AVIL: variants seen among roughly 807,000 people sequenced by gnomAD.
AVIL encodes advillin.
Under a neutral mutation model 109.9 loss-of-function variants are expected in AVIL, and 78 were observed. The observed-to-expected ratio is 0.71, with a 90% confidence interval of 0.59 to 0.86. The LOEUF is 0.86. Ranked by LOEUF, AVIL falls within the 40% of genes least tolerant of loss-of-function variation. The probability of loss-of-function intolerance (pLI) is 0.00; values close to 1 mark genes in which losing one functional copy is unlikely to be tolerated. For missense variants in AVIL, 892 were observed against 1,016.5 expected, an observed-to-expected ratio of 0.88 and a Z score of 1.67; for synonymous variants, 367 against 379.1, an observed-to-expected ratio of 0.97 and a Z score of 0.37.
Position 57,814,231 on chromosome 12 carries a change from A to C in AVIL, c.67-5T>G, listed in dbSNP as rs1450173056. On this transcript the variant is annotated splice_region_variant and splice_polypyrimidine_tract_variant and intron_variant, in intron 2 of 19. Coordinates refer to ENST00000549994, the MANE Select transcript of AVIL (RefSeq NM_006576.4). ...CACCAGCGCCAGCTCCATTTTCTGG[A>C]AGGACAAGGGGTGGGTATAGGCTAC... 1 of 1,611,208 alleles carries C rather than the reference A, an allele frequency of 6.2e-7. No homozygotes were observed. Among genetic ancestry groups the C allele is most frequent in the Non-Finnish European group, 8.5e-7 (1 of 1,179,152 alleles).
At chr12:57,799,648 G>A (rs996220373) in intron 19 of AVIL, 147 bp downstream of exon 19, 3 of 1,065,692 alleles carry the variant, frequency 2.8e-6, no homozygotes, top group Non-Finnish European at 4.0e-6. Flanking sequence ...AAGAACCCTG[G>A]TTTTTTTTGG....
In AVIL at chr12:57,814,342, C is replaced by T. The variant is rs1166838699; in HGVS notation, c.67-116G>A. ...GGTGGGGAGAAGGAGGGGAGATGTT[C>T]TCAATGACCTTACAGGATGTGAGGC... is the stretch of plus-strand genomic sequence containing the variant. On this transcript the variant is annotated intron_variant, in intron 2 of 19. Transcript: ENST00000549994. 7 of 1,024,570 alleles carry T rather than the reference C, an allele frequency of 6.8e-6. No individual in the cohort carries two copies. The African/African-American group carries it at 1.1e-4, about 16-fold the overall frequency. The allele number at this position is 1,024,570 out of a possible 1,614,324, so 63.5% of individuals were successfully genotyped here. A position where few individuals can be genotyped will look rare whatever the true frequency, so the allele number is the denominator to read the frequency against.
In AVIL at chr12:57,818,182, C is replaced by CTTTTTT. The variant is rs66731427; in HGVS notation, c.-20+441_-20+446dup. Among the ~76,000 whole-genome samples the CTTTTTT allele has an allele frequency of 1.7e-3, 61 of 35,264 alleles. 15 individuals are homozygous for CTTTTTT. The highest frequency in any genetic ancestry group is 8.3e-3 in the South Asian group (5 of 604). The allele number at this position is 35,264 out of a possible 152,430, so 23.1% of individuals were successfully genotyped here. ...CACAGGTGTGCACCACCATGCTTGG[C>CTTTTTT]TTTTTTTTTTTTTTTTTTTTTTTTT... On this transcript the variant is annotated intron_variant, in intron 1 of 19. Transcript: ENST00000549994.
chr12:57,810,975 G>A (rs765554428), intron 5 of AVIL, 44 bp downstream of exon 5: 2 of 1,613,786 alleles, frequency 1.2e-6, no homozygotes, highest in Non-Finnish European at 1.7e-6. Context: ...TAGGTGCCAG[G>A]TGGAGAAGCC....
rs1318385350 is a variant in AVIL, at chr12:57,797,896, T to G, written c.2446A>C (p.Lys816Gln). The G allele has an allele frequency of 1.2e-6, 2 of 1,612,236 alleles. No homozygotes were observed. Among genetic ancestry groups the G allele is most frequent in the Admixed American group, 1.7e-5 (1 of 59,718 alleles). Residue 816 changes from lysine (K) to glutamine (Q), a missense_variant, in exon 20 of 20, where the codon AAG becomes CAG. Coordinates refer to ENST00000549994, the MANE Select transcript of AVIL (RefSeq NM_006576.4). ...GWKQLQMKKE[K>Q]GLF is the part of the protein sequence containing the mutation. ...GCCTTCTTGCTTTAGAAAAGCCCCT[T>G]TTCTTTCTTCATTTGGAGCTGTTTC...
chr12:57,800,306 C>G (rs1042280521), intron 18 of AVIL: 3 of 169,622 alleles, frequency 1.8e-5, no homozygotes, highest in African/African-American at 7.2e-5. Context: ...TTTAAAGATA[C>G]TACATCAACA....
intron 9 of AVIL, chr12:57,808,769 T>G: frequency 3.7e-6 from 2 of 544,928 alleles, no homozygotes; most frequent in Non-Finnish European, 6.4e-6. Context: ...CTTGCGGTGA[T>G]TATGGTTGTT....
At chr12:57,807,263 A>T in intron 13 of AVIL, 68 bp downstream of exon 13, 1 of 1,606,472 alleles carries the variant, frequency 6.2e-7, no homozygotes, top group African/African-American at 1.3e-5. Context: ...GCTCTCCAAT[A>T]GTCCTGTGCT....
chr12:57,803,665 G>GGTCT lies in AVIL; in HGVS notation c.1675_1676insAGAC (p.Ser559Ter). 1 of 1,613,972 alleles carries GGTCT rather than the reference G, an allele frequency of 6.2e-7. No homozygotes were observed. Among genetic ancestry groups the GGTCT allele is most frequent in the Non-Finnish European group, 8.5e-7 (1 of 1,179,970 alleles). On this transcript the variant is annotated stop_gained and frameshift_variant, in exon 15 of 20. Coordinates refer to ENST00000549994, the MANE Select transcript of AVIL (RefSeq NM_006576.4). LOFTEE classifies it high-confidence loss of function. ...AGCCATTGCCCGCTCATCCCCACTA[G>GGTCT]ACCCCTGAGAGTGGGGCGAGGAGAG...
At chr12:57,817,615 C>T (rs1183801121) in intron 1 of AVIL, among the ~76,000 whole-genome samples, 1 of 151,954 alleles carries the variant, frequency 6.6e-6, no homozygotes, top group Non-Finnish European at 1.5e-5. Flanking sequence ...GGGACAAGGG[C>T]CACTGAATTC....
In AVIL at chr12:57,797,955, A is replaced by G; in HGVS notation, c.2387T>C (p.Ile796Thr). The G allele has an allele frequency of 2.5e-6, 4 of 1,613,274 alleles. No individual in the cohort carries two copies. Among genetic ancestry groups the G allele is most frequent in the Non-Finnish European group, 3.4e-6 (4 of 1,179,574 alleles). The change falls in exon 20 of 20, where the codon ATC becomes ACC. Residue 796 changes from isoleucine to threonine, a missense_variant. Transcript: ENST00000549994. ...CAGAGCTGCAAATTGCCCTCTTGTGATGCCAAACACAGACACAAAGTCCTG... is the reference window on the plus strand; with the variant it reads ...CAGAGCTGCAAATTGCCCTCTTGTGGTGCCAAACACAGACACAAAGTCCTG... Reference protein sequence around the residue: ...SEQDFVSVFGITRGQFAALPG... With the variant: ...SEQDFVSVFGTTRGQFAALPG...
intron 19 of AVIL, among the ~76,000 whole-genome samples, chr12:57,798,549 G>A (rs780940172): frequency 1.2e-4 from 18 of 152,110 alleles, no homozygotes; most frequent in Middle Eastern, 3.4e-3. Context: ...GACATTGTGG[G>A]AAATCCAGAG....
chr12:57,802,066 A>C, intron 17 of AVIL, 94 bp downstream of exon 17: 1 of 1,411,380 alleles, frequency 7.1e-7, no homozygotes. Flanking sequence ...TCCTGGTTTC[A>C]CTGAGCCGTG....
In AVIL at chr12:57,797,471, G is replaced by C. The variant is rs1021715229; in HGVS notation, c.*411C>G. On this transcript the variant is annotated 3_prime_UTR_variant, in exon 20 of 20. Coordinates refer to ENST00000549994, the MANE Select transcript of AVIL (RefSeq NM_006576.4). The stretch of plus-strand genomic sequence containing the variant: ...GATTTTGCCTATGGAGTGCATATAT[G>C]ATTTCAATGATTTACAGGCTAAATA... 2 of 983,494 alleles carry C rather than the reference G, an allele frequency of 2.0e-6. No individual in the cohort carries two copies. The highest frequency in any genetic ancestry group is 2.4e-6 in the Non-Finnish European group (2 of 828,140). The allele number at this position is 983,494 out of a possible 1,614,324, so 60.9% of individuals were successfully genotyped here. A position where few individuals can be genotyped will look rare whatever the true frequency, so the allele number is the denominator to read the frequency against.
chr12:57,813,437 A>G lies in AVIL; in HGVS notation c.142-14T>C. 1.2e-6 allele frequency: 2 copies of G among 1,611,416 alleles called. No homozygotes were observed. The highest frequency in any genetic ancestry group is 2.2e-5 in the East Asian group (1 of 44,854). On this transcript the variant is annotated splice_polypyrimidine_tract_variant and intron_variant, in intron 3 of 19. Coordinates refer to ENST00000549994, the MANE Select transcript of AVIL (RefSeq NM_006576.4). ...CACTCTCCGGGTCTGGGAGGTAGTC[A>G]GAGAGATCAGGTCAGAGGCCAGCTC... is the stretch of plus-strand genomic sequence containing the variant.
chr12:57,816,636 C>T (rs542896249), intron 1 of AVIL, among the ~76,000 whole-genome samples: 1 of 151,474 alleles, frequency 6.6e-6, no homozygotes, highest in South Asian at 2.1e-4. Flanking sequence ...TCCAATTCTT[C>T]CCAAGTTCCC....
intron 10 of AVIL, 23 bp downstream of exon 10, chr12:57,808,372 G>A (rs760632233): frequency 1.2e-6 from 2 of 1,613,990 alleles, no homozygotes; most frequent in East Asian, 2.2e-5. Context: ...AGCAATGAGA[G>A]GATGATCTGG....
chr12:57,807,406 C>G lies in AVIL; in HGVS notation c.1416G>C (p.Val472=). 6 of 1,614,246 alleles carry G rather than the reference C, an allele frequency of 3.7e-6. No individual in the cohort carries two copies. Among genetic ancestry groups the G allele is most frequent in the Non-Finnish European group, 5.1e-6 (6 of 1,180,040 alleles). The change falls in exon 13 of 20, where the codon GTG becomes GTC. Residue 472 remains valine, a synonymous_variant. Coordinates refer to ENST00000549994, the MANE Select transcript of AVIL (RefSeq NM_006576.4). ...CCGTTCCCATCCTGACTCGAACCTG[C>G]ACAGCAGCCCCATCAAACTGCCGAT... The part of the protein sequence containing the change: ...EVDRQFDGAA[V]QVRVRMGTEP...
intron 2 of AVIL, chr12:57,815,568 G>GCCC: frequency 8.1e-7 from 1 of 1,241,040 alleles, no homozygotes; most frequent in Non-Finnish European, 1.0e-6. Context: ...TCTCTGCAGT[G>GCCC]CCCCCTCACC....
Sources: gnomAD v4.1 joint callset for allele counts (sites outside exome capture counted in the v4.1 genomes callset) on GRCh38, gnomAD v4.1.1 for gene constraint, MANE v1.5 for transcripts, NCBI Gene and HGNC (gene_info 2026-07-23, HGNC 2026-07-21) for gene names.